The following TMEM164 variants were observed in gnomAD, a reference collection of about 807,000 sequenced individuals.
The protein encoded by TMEM164 is RP13-360B22.2.
Under a neutral mutation model 18.8 loss-of-function variants are expected in TMEM164, and 4 were observed. The observed-to-expected ratio is 0.21, with a 90% confidence interval of 0.10 to 0.49. The LOEUF is 0.49. Ranked by LOEUF, TMEM164 falls within the 20% of genes least tolerant of loss-of-function variation. The probability of loss-of-function intolerance (pLI) is 0.98; values close to 1 mark genes in which losing one functional copy is unlikely to be tolerated. For missense variants in TMEM164, 108 were observed against 239.9 expected, an observed-to-expected ratio of 0.45 and a Z score of 3.63; for synonymous variants, 86 against 101.7, an observed-to-expected ratio of 0.85 and a Z score of 0.93.
At chrX:110,161,540 T>G (rs2067094287) in intron 5 of TMEM164, among the ~76,000 whole-genome samples, 1 of 112,145 alleles carries the variant, frequency 8.9e-6, no homozygotes, top group African/African-American at 3.2e-5. Flanking sequence ...GGATTGTCCC[T>G]GCTGAGGAAG....
At chrX:110,171,619 T>C in intron 6 of TMEM164, 99 bp downstream of exon 6, 1 of 700,084 alleles carries the variant, frequency 1.4e-6, no homozygotes, top group Non-Finnish European at 2.3e-6. Context: ...GTTTTGAAAA[T>C]GCAAGATGCT....
chrX:110,135,115 A>T (rs1046853695), intron 4 of TMEM164, among the ~76,000 whole-genome samples: 2 of 110,944 alleles, frequency 1.8e-5, no homozygotes, highest in Non-Finnish European at 3.8e-5. Context: ...TCCCTTTCCT[A>T]TCCCAGTCTC....
At chrX:110,053,098 AATTTTT>A (rs1303950708) in intron 2 of TMEM164, among the ~76,000 whole-genome samples, 87 of 111,586 alleles carry the variant, frequency 7.8e-4, no homozygotes, top group Non-Finnish European at 1.5e-3. Context: ...CCCCTTTCCC[AATTTTT>A]TAATACAAAG....
At position 110,176,871 on chromosome X, in the gene TMEM164, A is replaced by G. The variant is rs2067295788; in HGVS notation, c.*3420A>G. The G allele has an allele frequency of 8.9e-6, 1 of 112,421 alleles. No homozygotes were observed. Among genetic ancestry groups the G allele is most frequent in the African/African-American group, 3.2e-5 (1 of 30,865 alleles). 9.3% of individuals were successfully genotyped at this position (112,421 alleles called of 1,213,427 possible). A position where few individuals can be genotyped will look rare whatever the true frequency, so the allele number is the denominator to read the frequency against. On this transcript the variant is annotated 3_prime_UTR_variant, in exon 7 of 7. Coordinates refer to ENST00000372068, the MANE Select transcript of TMEM164 (RefSeq NM_032227.4). ...ACTGAAGGGGAGGTAGGGGAGGAGG[A>G]AAAAAGGACCATGTGTGATGCTGTT...
At chrX:110,071,765 G>T (rs1473748326) in intron 3 of TMEM164, among the ~76,000 whole-genome samples, 1 of 107,277 alleles carries the variant, frequency 9.3e-6, no homozygotes, top group Non-Finnish European at 1.9e-5. Flanking sequence ...GCAGGGCATG[G>T]TGTTGTGTGC....
In TMEM164 at chrX:110,173,416, G is replaced by A. The variant is rs766150763; in HGVS notation, c.859G>A (p.Asp287Asn). The change falls in exon 7 of 7, where the codon GAT (aspartate) becomes AAT (asparagine). Residue 287 changes from aspartate (D) to asparagine (N), a missense_variant. Transcript: ENST00000372068. ...TGGGCCCTTGTGTAAATATCTGCTG[G>A]ATTTGCTCCGGCTTCCAGCCAAGAA... ...MAGPLCKYLL[D>N]LLRLPAKKID The A allele has an allele frequency of 5.0e-6, 6 of 1,210,309 alleles. No homozygotes were observed. The highest frequency in any genetic ancestry group is 6.7e-6 in the Non-Finnish European group (6 of 895,252).
chrX:110,178,297 C>T (rs1032593525), downstream of TMEM164, among the ~76,000 whole-genome samples: 2 of 112,120 alleles, frequency 1.8e-5, no homozygotes, highest in African/African-American at 6.5e-5. Flanking sequence ...AGGACAGAGG[C>T]CCTGTTCAGG....
chrX:110,070,547 A>C (rs962640296), intron 3 of TMEM164, among the ~76,000 whole-genome samples: 1 of 110,529 alleles, frequency 9.0e-6, no homozygotes, highest in Non-Finnish European at 1.9e-5. Context: ...CTTTTTCTTC[A>C]TATCTGCTCT....
intron 5 of TMEM164, among the ~76,000 whole-genome samples, chrX:110,148,391 T>C (rs1208417248): frequency 8.9e-6 from 1 of 111,894 alleles, no homozygotes; most frequent in Non-Finnish European, 1.9e-5. Flanking sequence ...CTGGAAGAAA[T>C]GGTGTTCATT....
intron 3 of TMEM164, among the ~76,000 whole-genome samples, chrX:110,104,399 C>T (rs1400780775): frequency 8.9e-6 from 1 of 111,764 alleles, no homozygotes; most frequent in Non-Finnish European, 1.9e-5. Context: ...AAAAGTGATC[C>T]TTGTGGTTCT....
intron 4 of TMEM164, among the ~76,000 whole-genome samples, chrX:110,134,598 G>T (rs2066661653): frequency 1.1e-5 from 1 of 91,152 alleles, no homozygotes; most frequent in Non-Finnish European, 2.2e-5. Flanking sequence ...ACCAGTGGCT[G>T]CCCCCCCGCT....
chrX:110,173,280 G>T lies in TMEM164; in HGVS notation c.723G>T (p.Pro241=). Residue 241 remains proline (P), a synonymous_variant, in exon 7 of 7, where the codon CCG becomes CCT. Transcript: ENST00000372068. ...TEVNLNNMLC[P]AISDPFYGPW... ...TGAATTTGAACAACATGCTGTGTCC[G>T]GCCATCTCAGACCCATTCTACGGCC... 8.3e-7 allele frequency: 1 copy of T among 1,211,064 alleles called. No homozygotes were observed. The highest frequency in any genetic ancestry group is 1.1e-6 in the Non-Finnish European group (1 of 895,392).
intron 2 of TMEM164, chrX:110,046,156 A>G: frequency 1.3e-6 from 1 of 754,551 alleles, no homozygotes; most frequent in Non-Finnish European, 1.6e-6. Context: ...GGAAAAACAC[A>G]GATACCTGAT....
chrX:110,160,998 G>A (rs908066050), intron 5 of TMEM164, among the ~76,000 whole-genome samples: 12 of 112,310 alleles, frequency 1.1e-4, no homozygotes, highest in African/African-American at 1.9e-4. Context: ...GTGAGCCACC[G>A]TGCCTGCCTG....
intron 3 of TMEM164, among the ~76,000 whole-genome samples, chrX:110,082,672 G>A (rs908038617): frequency 9.0e-6 from 1 of 111,153 alleles, no homozygotes; most frequent in African/African-American, 3.3e-5. Flanking sequence ...AAAACCTCAG[G>A]GATAGGATAA....
intron 3 of TMEM164, among the ~76,000 whole-genome samples, chrX:110,086,542 G>A (rs903837110): frequency 1.8e-5 from 2 of 109,748 alleles, no homozygotes; most frequent in African/African-American, 6.6e-5. Flanking sequence ...TAATGGCACT[G>A]AACTGTACAC....
intron 2 of TMEM164, among the ~76,000 whole-genome samples, chrX:110,048,347 G>A (rs1935403148): frequency 1.8e-5 from 2 of 111,660 alleles, no homozygotes; most frequent in Middle Eastern, 9.3e-3. Context: ...TGATTTGTAT[G>A]CTTTATGTCA....
rs746875827 is a variant in TMEM164 at position 110,083,006 on chromosome X, G to A, written c.440+15610G>A. Among the ~76,000 whole-genome samples, 5 of 111,111 alleles carry A rather than the reference G, an allele frequency of 4.5e-5. No individual in the cohort carries two copies. In the East Asian group the frequency reaches 1.4e-3, roughly 31 times the overall value. ...ATCTTTTATCACTTTTGCAGTAAAT[G>A]TTTTCCCCAGATTGTCTTCTAACTT... On this transcript the variant is annotated intron_variant, in intron 3 of 6. Transcript: ENST00000372068.
intron 4 of TMEM164, among the ~76,000 whole-genome samples, chrX:110,133,539 G>A (rs2148035304): frequency 9.0e-6 from 1 of 111,625 alleles, no homozygotes; most frequent in South Asian, 3.8e-4. Flanking sequence ...TTTTTTAAAG[G>A]CACTATCTCC....
Sources: gnomAD v4.1 joint callset for allele counts (sites outside exome capture counted in the v4.1 genomes callset) on GRCh38, gnomAD v4.1.1 for gene constraint, MANE v1.5 for transcripts, NCBI Gene and HGNC (gene_info 2026-07-23, HGNC 2026-07-21) for gene names.